The following IL31RA variants were observed in gnomAD, a reference collection of about 807,000 sequenced individuals.
IL31RA encodes the protein interleukin-31 receptor subunit alpha.
Under a neutral mutation model 83.7 loss-of-function variants are expected in IL31RA, and 66 were observed. That is an observed-to-expected ratio of 0.79 (90% CI 0.65 to 0.97). The LOEUF (loss-of-function observed/expected upper bound fraction) is 0.97. Ranked by LOEUF, IL31RA falls within the 50% of genes least tolerant of loss-of-function variation. The pLI, the probability that IL31RA is intolerant of heterozygous loss-of-function variation, is 0.00. For synonymous variants in IL31RA, 325 were observed against 329.0 expected, an observed-to-expected ratio of 0.99 and a Z score of 0.13; for missense variants, 798 against 919.4, an observed-to-expected ratio of 0.87 and a Z score of 1.71.
At chr5:55,859,739 T>G in intron 2 of IL31RA, 140 bp downstream of exon 2, 1 of 718,124 alleles carries the variant, frequency 1.4e-6, no homozygotes, top group Non-Finnish European at 2.5e-6. Flanking sequence ...TGAATTTGTG[T>G]GTGTGTCTGT....
chr5:55,863,331 G>A (rs922546812), intron 2 of IL31RA, among the ~76,000 whole-genome samples: 3 of 152,210 alleles, frequency 2.0e-5, no homozygotes, highest in African/African-American at 4.8e-5. Context: ...TAGTCAGGGA[G>A]AGTTGTTTAT....
At chr5:55,894,937 G>A (rs535838062) in intron 6 of IL31RA, among the ~76,000 whole-genome samples, 15 of 152,108 alleles carry the variant, frequency 9.9e-5, no homozygotes, top group African/African-American at 2.2e-4. Context: ...GGCTGGTCTC[G>A]AACTCCTGAC....
At chr5:55,855,169 C>T (rs1318141049) in intron 1 of IL31RA, among the ~76,000 whole-genome samples, 1 of 151,940 alleles carries the variant, frequency 6.6e-6, no homozygotes, top group Non-Finnish European at 1.5e-5. Context: ...TTATTTGAGA[C>T]AGTCTCACTC....
chr5:55,917,464 G>T lies in IL31RA; in HGVS notation c.*344G>T. The stretch of plus-strand genomic sequence containing the variant: ...CAGGGTGGACATATCTGGCCTCCCA[G>T]GAATTGGGTCATGGTCCCAGCCTTT... On this transcript the variant is annotated 3_prime_UTR_variant, in exon 15 of 15. Coordinates refer to ENST00000652347, the MANE Select transcript of IL31RA (RefSeq NM_139017.7). The T allele has an allele frequency of 2.0e-6, 1 of 489,744 alleles. No homozygotes were observed. Among genetic ancestry groups the T allele is most frequent in the Non-Finnish European group, 3.1e-6 (1 of 321,054 alleles). The allele number at this position is 489,744 out of a possible 1,614,324, so 30.3% of individuals were successfully genotyped here. A position where few individuals can be genotyped will look rare whatever the true frequency, so the allele number is the denominator to read the frequency against.
In IL31RA at chr5:55,920,048, T is replaced by A. The variant is rs1043969091; in HGVS notation, c.*2928T>A. On this transcript the variant is annotated 3_prime_UTR_variant, in exon 15 of 15. Coordinates refer to ENST00000652347, the MANE Select transcript of IL31RA (RefSeq NM_139017.7). ...TTTCTTTAACAGTAAGAGCAGAAAA[T>A]TTTTAAAGAATGACAGAGAAACCAG... is the stretch of plus-strand genomic sequence containing the variant. Among the ~76,000 whole-genome samples, 8 of 152,112 alleles carry A rather than the reference T, an allele frequency of 5.3e-5. No homozygotes were observed. Among genetic ancestry groups the A allele is most frequent in the Non-Finnish European group, 7.4e-5 (5 of 68,020 alleles).
At chr5:55,888,298 C>A (rs970171144) in intron 5 of IL31RA, among the ~76,000 whole-genome samples, 3 of 152,172 alleles carry the variant, frequency 2.0e-5, no homozygotes, top group African/African-American at 7.2e-5. Context: ...GCCAGAGGCA[C>A]CTTGGCTGGA....
chr5:55,892,092 G>C (rs1488346861), intron 6 of IL31RA, among the ~76,000 whole-genome samples: 1 of 152,032 alleles, frequency 6.6e-6, no homozygotes, highest in Non-Finnish European at 1.5e-5. Context: ...GATATTTTGA[G>C]GGCCATTTTT....
intron 1 of IL31RA, among the ~76,000 whole-genome samples, chr5:55,856,258 T>A (rs191715880): frequency 6.6e-6 from 1 of 152,214 alleles, no homozygotes; most frequent in Admixed American, 6.5e-5. Flanking sequence ...ATTCTAAGAG[T>A]CTTTTAGTTC....
At chr5:55,914,765 C>T (rs1036261738) in intron 13 of IL31RA, 82 bp from the exon 14 acceptor site, 22 of 998,128 alleles carry the variant, frequency 2.2e-5, no homozygotes, top group African/African-American at 1.1e-4. Flanking sequence ...CCCTTTAGCA[C>T]AGCCTCACTC....
At chr5:55,887,294 G>A (rs1239873700) in intron 5 of IL31RA, among the ~76,000 whole-genome samples, 1 of 152,180 alleles carries the variant, frequency 6.6e-6, no homozygotes, top group African/African-American at 2.4e-5. Context: ...GCAAACCTAA[G>A]CTCAGGTTTT....
At chr5:55,847,238 AAAATAAAAAT>A (rs1214814548), upstream of IL31RA, among the ~76,000 whole-genome samples, 4 of 15,492 alleles carry the variant, frequency 2.6e-4, no homozygotes, top group African/African-American at 1.7e-3. Flanking sequence ...AAAAAAAAAA[AAAATAAAAAT>A]AAATAAATAA....
intron 12 of IL31RA, among the ~76,000 whole-genome samples, chr5:55,912,810 T>C (rs1024303689): frequency 6.7e-6 from 1 of 149,024 alleles, no homozygotes; most frequent in Non-Finnish European, 1.5e-5. Context: ...AGAAAAAAAG[T>C]CTAAAAATTA....
In IL31RA at chr5:55,917,793, G is replaced by A. The variant is rs1241035630; in HGVS notation, c.*673G>A. Among the ~76,000 whole-genome samples the A allele has an allele frequency of 6.6e-6, 1 of 152,210 alleles. No homozygotes were observed. Among genetic ancestry groups the A allele is most frequent in the Non-Finnish European group, 1.5e-5 (1 of 68,038 alleles). On this transcript the variant is annotated 3_prime_UTR_variant, in exon 15 of 15. Transcript: ENST00000652347. ...AAAATCAAGGAATGGGGAGGGCCCT[G>A]GGGAATGTATGCTGCCGGGCGCAGC...
intron 2 of IL31RA, among the ~76,000 whole-genome samples, chr5:55,867,169 A>ATG (rs71602918): frequency 0.57 from 60,455 of 105,724 alleles, 16,739 homozygotes; most frequent in Middle Eastern, 0.68. Flanking sequence ...GTGTGTGTGC[A>ATG]TGTGTGTGTG....
At chr5:55,846,029 A>C in the IL31RA span, among the ~76,000 whole-genome samples, 939 of 152,218 alleles carry the variant, frequency 6.2e-3, 3 homozygotes, top group Non-Finnish European at 9.6e-3. Flanking sequence ...GTCCACACTG[A>C]GCCTTGAGTG....
chr5:55,920,024 T>G lies in IL31RA; in HGVS notation c.*2904T>G, dbSNP rs751493252. Among the ~76,000 whole-genome samples the G allele has an allele frequency of 6.6e-6, 1 of 152,250 alleles. No homozygotes were observed. The highest frequency in any genetic ancestry group is 1.5e-5 in the Non-Finnish European group (1 of 68,038). ...ATGCAGACAGCTAGGTTAGTGGCCTTTCTTTAACAGTAAGAGCAGAAAATT... is the reference window on the plus strand; with the variant it reads ...ATGCAGACAGCTAGGTTAGTGGCCTGTCTTTAACAGTAAGAGCAGAAAATT... On this transcript the variant is annotated 3_prime_UTR_variant, in exon 15 of 15. Transcript: ENST00000652347.
chr5:55,882,896 A>G, intron 4 of IL31RA, 148 bp from the exon 5 acceptor site: 1 of 703,304 alleles, frequency 1.4e-6, no homozygotes, highest in Non-Finnish European at 2.5e-6. Context: ...GGGGGGTGAC[A>G]TTCCTTTTGT....
upstream of IL31RA, among the ~76,000 whole-genome samples, chr5:55,847,255 A>AT (rs1435956291): frequency 1.5e-5 from 2 of 135,946 alleles, no homozygotes; most frequent in Non-Finnish European, 1.6e-5. Flanking sequence ...AAATAAATAA[A>AT]TAAATAAATA....
In IL31RA at chr5:55,877,605, G is replaced by T. The variant is rs191525370; in HGVS notation, c.454+5154G>T. On this transcript the variant is annotated intron_variant, in intron 4 of 14. Transcript: ENST00000652347. ...TCCCTCATTTTTGAAGAATAGTTTT[G>T]CCAGGTATGTAATTCTCAGTTGACA... is the stretch of plus-strand genomic sequence containing the variant. Among the ~76,000 whole-genome samples the T allele has an allele frequency of 2.3e-3, 352 of 152,244 alleles. 1 individual carries two copies. Among genetic ancestry groups the T allele is most frequent in the African/African-American group, 7.6e-3 (315 of 41,538 alleles).
Sources: gnomAD v4.1 joint callset for allele counts (sites outside exome capture counted in the v4.1 genomes callset) on GRCh38, gnomAD v4.1.1 for gene constraint, MANE v1.5 for transcripts, NCBI Gene and HGNC (gene_info 2026-07-23, HGNC 2026-07-21) for gene names.